Variants in TMCC1 observed in about 807,000 individuals in gnomAD.
TMCC1 encodes the protein transmembrane and coiled-coil domains protein 1.
TMCC1 carries 15 observed loss-of-function variants against 52.4 expected under a neutral mutation model. The observed-to-expected ratio is 0.29, with a 90% confidence interval of 0.19 to 0.44. The LOEUF (loss-of-function observed/expected upper bound fraction) is 0.44, where lower values mean the gene tolerates loss of function less well. TMCC1 is among the 20% of genes least tolerant of loss of function. The pLI is 1.00. For missense variants in TMCC1, 503 were observed against 806.0 expected, an observed-to-expected ratio of 0.62 and a Z score of 4.55; for synonymous variants, 279 against 301.9, an observed-to-expected ratio of 0.92 and a Z score of 0.79.
At chr3:129,735,094 G>A (rs997432924) in intron 4 of TMCC1, among the ~76,000 whole-genome samples, 1 of 151,894 alleles carries the variant, frequency 6.6e-6, no homozygotes, top group African/African-American at 2.4e-5. Flanking sequence ...GCAGAGATGG[G>A]GTTTCACTGT....
intron 4 of TMCC1, among the ~76,000 whole-genome samples, chr3:129,732,485 C>T (rs2050621118): frequency 6.6e-6 from 1 of 152,102 alleles, no homozygotes. Context: ...ATGCAGACTG[C>T]ATGAATAAGC....
chr3:129,725,963 A>C (rs113779865), intron 4 of TMCC1, among the ~76,000 whole-genome samples: 9 of 152,232 alleles, frequency 5.9e-5, no homozygotes, highest in African/African-American at 1.4e-4. Context: ...TGTACCCAAA[A>C]ACCTAAAGAT....
chr3:129,839,156 T>C (rs184435739), intron 2 of TMCC1, among the ~76,000 whole-genome samples: 202 of 152,296 alleles, frequency 1.3e-3, no homozygotes, highest in South Asian at 2.5e-3. Context: ...AGGTAAAGTA[T>C]AATTTTTTTA....
rs1029167423 is a variant in TMCC1, at chr3:129,832,833, A to G, written c.-183-7T>C. On this transcript the variant is annotated splice_region_variant and splice_polypyrimidine_tract_variant and intron_variant, in intron 2 of 6. Transcript: ENST00000393238. ...ACAATCCTTTTAGGAAAAGCTGAAA[A>G]GCAAATATTAAGAATTACAAGGTGA... The G allele has an allele frequency of 1.3e-5, 2 of 152,242 alleles. No individual in the cohort carries two copies. The highest frequency in any genetic ancestry group is 2.1e-4 in the South Asian group (1 of 4,836). The allele number at this position is 152,242 out of a possible 1,614,324, so 9.4% of individuals were successfully genotyped here.
At chr3:129,726,665 G>A (rs1426457818) in intron 4 of TMCC1, among the ~76,000 whole-genome samples, 1 of 151,062 alleles carries the variant, frequency 6.6e-6, no homozygotes, top group Non-Finnish European at 1.5e-5. Flanking sequence ...GATCACCTGA[G>A]GTCAAGAGTT....
chr3:129,766,177 T>C (rs556779476), intron 4 of TMCC1, among the ~76,000 whole-genome samples: 23 of 152,332 alleles, frequency 1.5e-4, no homozygotes, highest in Non-Finnish European at 3.1e-4. Flanking sequence ...TGTGTGTAAA[T>C]GGCAAAAGCA....
chr3:129,759,810 C>A (rs919852848), intron 4 of TMCC1, among the ~76,000 whole-genome samples: 1 of 149,800 alleles, frequency 6.7e-6, no homozygotes, highest in African/African-American at 2.5e-5. Flanking sequence ...CAAGCTCCGC[C>A]TCCCGGGTTC....
At chr3:129,690,126 C>T (rs1011058482) in intron 4 of TMCC1, among the ~76,000 whole-genome samples, 19 of 152,160 alleles carry the variant, frequency 1.2e-4, no homozygotes, top group Admixed American at 3.3e-4. Context: ...CTGTGATTTC[C>T]ATCCCTTCAG....
intron 4 of TMCC1, among the ~76,000 whole-genome samples, chr3:129,825,508 G>A (rs566335196): frequency 1.2e-4 from 17 of 147,226 alleles, no homozygotes; most frequent in African/African-American, 3.2e-4. Context: ...TAGAAGCTCC[G>A]AAGTTTACAT....
At chr3:129,671,413 C>T in intron 4 of TMCC1, 149 bp from the exon 5 acceptor site, 1 of 792,876 alleles carries the variant, frequency 1.3e-6, no homozygotes, top group Non-Finnish European at 1.9e-6. Context: ...CCAGCCCTGT[C>T]TCCCTCTTAC....
chr3:129,663,058 A>G (rs2087163272), intron 5 of TMCC1, among the ~76,000 whole-genome samples: 1 of 152,234 alleles, frequency 6.6e-6, no homozygotes, highest in South Asian at 2.1e-4. Flanking sequence ...AATAAATACT[A>G]AACTTGAAAG....
intron 5 of TMCC1, among the ~76,000 whole-genome samples, chr3:129,662,729 T>C (rs546348895): frequency 4.3e-4 from 65 of 152,284 alleles, no homozygotes; most frequent in African/African-American, 1.5e-3. Context: ...AGCACATGAC[T>C]ATGTGTGATT....
intron 4 of TMCC1, among the ~76,000 whole-genome samples, chr3:129,728,427 A>G (rs925412929): frequency 2.0e-5 from 3 of 152,152 alleles, no homozygotes; most frequent in African/African-American, 4.8e-5. Flanking sequence ...CTGGGATTAC[A>G]GGCGCCGGCC....
intron 4 of TMCC1, among the ~76,000 whole-genome samples, chr3:129,749,523 C>G (rs1279567383): frequency 6.6e-6 from 1 of 152,008 alleles, no homozygotes; most frequent in African/African-American, 2.4e-5. Flanking sequence ...CAGCTATCTT[C>G]ATTTGTTTCA....
chr3:129,816,814 A>G lies in TMCC1; in HGVS notation c.576+10989T>C, dbSNP rs148915827. Among the ~76,000 whole-genome samples, 477 of 152,234 alleles carry G rather than the reference A, an allele frequency of 3.1e-3. 2 individuals carry two copies. Among genetic ancestry groups the G allele is most frequent in the African/African-American group, 0.011 (440 of 41,544 alleles). On this transcript the variant is annotated intron_variant, in intron 4 of 6. Transcript: ENST00000393238. Reference sequence around the variant, plus strand: ...TGAGATGGGAGGATTACTTGAGCCCAGGAGTTTGAGATCAGCCTGGTCAAC... The same window carrying G: ...TGAGATGGGAGGATTACTTGAGCCCGGGAGTTTGAGATCAGCCTGGTCAAC...
intron 2 of TMCC1, among the ~76,000 whole-genome samples, chr3:129,851,859 G>GA (rs145662550): frequency 6.6e-6 from 1 of 152,048 alleles, no homozygotes; most frequent in African/African-American, 2.4e-5. Flanking sequence ...CCTTCAAAAG[G>GA]AAAAAAATTG....
chr3:129,827,755 G>A (rs370415518), intron 4 of TMCC1, 48 bp downstream of exon 4: 167 of 1,579,884 alleles, frequency 1.1e-4, no homozygotes, highest in Non-Finnish European at 1.4e-4. Context: ...AGAGTCCTAG[G>A]TATGAAAAAC....
rs965915863 is a variant in TMCC1, at chr3:129,648,694, T to G, written c.*2787A>C. The stretch of plus-strand genomic sequence containing the variant: ...GAATGAATACAGTTTTCTTTTCTTT[T>G]TTTTTTAGAGGAGCATTCAAATGAG... On this transcript the variant is annotated 3_prime_UTR_variant, in exon 7 of 7. Transcript: ENST00000393238. The G allele has an allele frequency of 4.0e-5, 6 of 151,664 alleles. No individual in the cohort carries two copies. The highest frequency in any genetic ancestry group is 1.5e-4 in the African/African-American group (6 of 41,340). 9.4% of individuals were successfully genotyped at this position (151,664 alleles called of 1,614,324 possible).
intron 4 of TMCC1, among the ~76,000 whole-genome samples, chr3:129,764,577 G>A (rs1340206838): frequency 1.3e-5 from 2 of 152,064 alleles, no homozygotes; most frequent in East Asian, 1.9e-4. Context: ...TCAATATGGT[G>A]AGTGTGAAAA....
Sources: gnomAD v4.1 joint callset for allele counts (sites outside exome capture counted in the v4.1 genomes callset) on GRCh38, gnomAD v4.1.1 for gene constraint, MANE v1.5 for transcripts, NCBI Gene and HGNC (gene_info 2026-07-23, HGNC 2026-07-21) for gene names.